The following ATF2 variants were observed in gnomAD, a reference collection of about 807,000 sequenced individuals.
The protein encoded by ATF2 is cyclic AMP-dependent transcription factor ATF-2.
Under a neutral mutation model 60.6 loss-of-function variants are expected in ATF2, and 24 were observed. That is an observed-to-expected ratio of 0.40 (90% CI 0.29 to 0.56). The LOEUF (loss-of-function observed/expected upper bound fraction) is 0.56, where lower values mean the gene tolerates loss of function less well. ATF2 is among the 20% of genes least tolerant of loss of function. The pLI is 0.54. For missense variants in ATF2, 433 were observed against 607.7 expected, an observed-to-expected ratio of 0.71 and a Z score of 3.02; for synonymous variants, 206 against 215.4, an observed-to-expected ratio of 0.96 and a Z score of 0.38.
intron 13 of ATF2, among the ~76,000 whole-genome samples, chr2:175,079,284 T>G (rs1693594016): frequency 6.6e-6 from 1 of 152,168 alleles, no homozygotes; most frequent in African/African-American, 2.4e-5. Context: ...AACAGTTAAT[T>G]TCCTTTTAAT....
chr2:175,163,844 A>G (rs1476724619), intron 1 of ATF2, among the ~76,000 whole-genome samples: 1 of 133,558 alleles, frequency 7.5e-6, no homozygotes, highest in Non-Finnish European at 1.6e-5. Flanking sequence ...AATCACTTGA[A>G]CCTGGGAGGC....
intron 1 of ATF2, among the ~76,000 whole-genome samples, chr2:175,157,003 T>C (rs997420909): frequency 6.6e-6 from 1 of 152,148 alleles, no homozygotes; most frequent in Non-Finnish European, 1.5e-5. Flanking sequence ...TTTTGTAACA[T>C]TTTACATAAC....
intron 13 of ATF2, among the ~76,000 whole-genome samples, chr2:175,076,840 A>C (rs1693351134): frequency 6.6e-6 from 1 of 151,810 alleles, no homozygotes; most frequent in Non-Finnish European, 1.5e-5. Context: ...GTACATGTGC[A>C]CAACGTGCAG....
chr2:175,154,622 G>A (rs1348907607), intron 1 of ATF2, among the ~76,000 whole-genome samples: 1 of 152,094 alleles, frequency 6.6e-6, no homozygotes, highest in Non-Finnish European at 1.5e-5. Context: ...AAAGACAAAT[G>A]CTATACTTTT....
At chr2:175,097,151 A>C (rs960040527) in intron 11 of ATF2, among the ~76,000 whole-genome samples, 7 of 152,240 alleles carry the variant, frequency 4.6e-5, no homozygotes, top group African/African-American at 1.7e-4. Flanking sequence ...AGCAGTATTC[A>C]GTTTCACTGT....
At chr2:175,114,337 C>T in intron 8 of ATF2, 1 of 1,265,268 alleles carries the variant, frequency 7.9e-7, no homozygotes, top group Non-Finnish European at 9.9e-7. Flanking sequence ...AGGACAATCT[C>T]CAATTTGTAA....
intron 2 of ATF2, among the ~76,000 whole-genome samples, chr2:175,140,980 G>T: frequency 9.3e-6 from 1 of 107,484 alleles, no homozygotes; most frequent in Non-Finnish European, 1.7e-5. Context: ...CTGGGGGATA[G>T]AGCAAGACCC....
chr2:175,167,859 A>G (rs1342475269), intron 1 of ATF2, 191 bp downstream of exon 1: 2 of 398,532 alleles, frequency 5.0e-6, no homozygotes, highest in African/African-American at 2.1e-5. Context: ...CCCAAAGCCC[A>G]CACCGCGCGG....
rs146391410 is a variant in ATF2, at chr2:175,097,521, C to T, written c.901G>A (p.Gly301Arg). Residue 301 changes from glycine (G) to arginine (R), a missense_variant, in exon 11 of 14, where the codon GGA becomes AGA. Around this residue, in one of 5 missense-constraint regions of ATF2, gnomAD observed 246 missense variants for 309.3 expected, o/e 0.80. Coordinates refer to ENST00000264110, the MANE Select transcript of ATF2 (RefSeq NM_001880.4). ...TCCTCTGACTGAGTCCTAACCAATC[C>T]GCTACCATGACCTTTGACAGTATCA... is the stretch of plus-strand genomic sequence containing the variant. ...NGDTVKGHGS[G>R]LVRTQSEESR... 7 of 1,614,004 alleles carry T rather than the reference C, an allele frequency of 4.3e-6. No homozygotes were observed. Among genetic ancestry groups the T allele is most frequent in the African/African-American group, 4.0e-5 (3 of 74,916 alleles).
intron 2 of ATF2, among the ~76,000 whole-genome samples, chr2:175,149,517 T>A (rs1039766689): frequency 6.6e-6 from 1 of 151,996 alleles, no homozygotes; most frequent in African/African-American, 2.4e-5. Context: ...ATAAGAAAAC[T>A]GGCAAAAAAT....
chr2:175,140,302 G>A (rs536118968), intron 2 of ATF2, among the ~76,000 whole-genome samples: 11 of 152,216 alleles, frequency 7.2e-5, no homozygotes, highest in Admixed American at 2.0e-4. Context: ...ATTCTTAAGC[G>A]AATAAAGAGA....
At chr2:175,161,622 T>G (rs1046716325) in intron 1 of ATF2, among the ~76,000 whole-genome samples, 1 of 152,218 alleles carries the variant, frequency 6.6e-6, no homozygotes, top group Non-Finnish European at 1.5e-5. Context: ...CTCAGTCAAT[T>G]TGGCTATCAT....
intron 2 of ATF2, among the ~76,000 whole-genome samples, chr2:175,141,676 G>A (rs764225275): frequency 6.6e-6 from 1 of 151,872 alleles, no homozygotes; most frequent in Non-Finnish European, 1.5e-5. Context: ...TGTATTTTTA[G>A]TAGAGACGGG....
At chr2:175,088,122 G>A (rs192911307) in intron 12 of ATF2, among the ~76,000 whole-genome samples, 55 of 152,078 alleles carry the variant, frequency 3.6e-4, no homozygotes, top group Middle Eastern at 3.4e-3. Flanking sequence ...TCAGTTTGAC[G>A]GAAAAACAAA....
intron 13 of ATF2, chr2:175,080,144 A>G (rs1041923749): frequency 3.3e-5 from 5 of 152,194 alleles, no homozygotes; most frequent in Admixed American, 6.6e-5. Flanking sequence ...ATTTTTATAA[A>G]CTAACTAGAT....
chr2:175,131,491 G>A (rs1697724510), intron 3 of ATF2, among the ~76,000 whole-genome samples: 1 of 152,130 alleles, frequency 6.6e-6, no homozygotes, highest in Non-Finnish European at 1.5e-5. Context: ...GAGACAAAAA[G>A]CAGAGACAAG....
intron 1 of ATF2, among the ~76,000 whole-genome samples, chr2:175,153,360 A>C (rs1699436304): frequency 6.6e-6 from 1 of 152,218 alleles, no homozygotes; most frequent in Admixed American, 6.5e-5. Context: ...AGGCCAAAAC[A>C]TCATTGTGCA....
At chr2:175,165,051 G>T (rs1181437671) in intron 1 of ATF2, among the ~76,000 whole-genome samples, 1 of 151,966 alleles carries the variant, frequency 6.6e-6, no homozygotes, top group African/African-American at 2.4e-5. Context: ...TTGAACTCCT[G>T]ACCTCAGCTG....
At position 175,089,191 on chromosome 2, in the gene ATF2, A is replaced by AC. The variant is rs534579477; in HGVS notation, c.1185+3869_1185+3870insG. The stretch of plus-strand genomic sequence containing the variant: ...GCAAAACTCTGTCTCCAAAAAAAAA[A>AC]ACAATAATTTATAACCAACAGTATT... On this transcript the variant is annotated intron_variant, in intron 12 of 13. Coordinates refer to ENST00000264110, the MANE Select transcript of ATF2 (RefSeq NM_001880.4). Among the ~76,000 whole-genome samples, 289 of 152,190 alleles carry AC rather than the reference A, an allele frequency of 1.9e-3. 2 individuals are homozygous for AC. Among genetic ancestry groups the AC allele is most frequent in the African/African-American group, 5.8e-3 (241 of 41,512 alleles).
Sources: gnomAD v4.1 joint callset for allele counts (sites outside exome capture counted in the v4.1 genomes callset) on GRCh38, gnomAD v4.1.1 for gene constraint, gnomAD v4.1.1 regional missense constraint, MANE v1.5 for transcripts, NCBI Gene and HGNC (gene_info 2026-07-23, HGNC 2026-07-21) for gene names.